The following USP22 variants were observed in gnomAD, a reference collection of about 807,000 sequenced individuals.
The protein encoded by USP22 is ubiquitin specific peptidase 22, also known as ubiquitin carboxyl-terminal hydrolase 22.
In USP22, 22 loss-of-function variants were observed where a neutral mutation model predicts 68.1. The ratio of observed to expected loss-of-function variants is 0.32; its 90% CI spans 0.23 to 0.46. USP22 has a LOEUF of 0.46. Among genes scored for constraint, USP22 ranks in the 20% least tolerant of loss-of-function variants. USP22 has a pLI of 1.00. For missense variants in USP22, 433 were observed against 695.8 expected, an observed-to-expected ratio of 0.62 and a Z score of 4.25; for synonymous variants, 279 against 274.2, an observed-to-expected ratio of 1.02 and a Z score of -0.17.
chr17:21,009,362 C>T (rs748760884), intron 8 of USP22, among the ~76,000 whole-genome samples: 56 of 152,254 alleles, frequency 3.7e-4, no homozygotes, highest in Non-Finnish European at 6.6e-4. Flanking sequence ...TAGGGCAAGA[C>T]GAGGGGGCCT....
intron 1 of USP22, among the ~76,000 whole-genome samples, chr17:21,040,603 CAAAAA>C (rs1328414565): frequency 7.1e-6 from 1 of 140,832 alleles, no homozygotes; most frequent in East Asian, 2.0e-4. Flanking sequence ...ATAAGTAGCG[CAAAAA>C]AAAAAAGTAA....
chr17:21,029,464 C>T (rs1022623167), intron 1 of USP22, among the ~76,000 whole-genome samples: 1 of 152,182 alleles, frequency 6.6e-6, no homozygotes, highest in East Asian at 1.9e-4. Context: ...AAGTCTTCTT[C>T]GCAGGAGAAT....
intron 10 of USP22, among the ~76,000 whole-genome samples, chr17:21,006,200 A>AT (rs1457825092): frequency 1.3e-5 from 2 of 152,216 alleles, no homozygotes; most frequent in African/African-American, 4.8e-5. Flanking sequence ...TGTCTCATGC[A>AT]TTAGTAAGCA....
chr17:21,027,907 G>A (rs1972242241), intron 2 of USP22, among the ~76,000 whole-genome samples: 1 of 152,188 alleles, frequency 6.6e-6, no homozygotes, highest in Non-Finnish European at 1.5e-5. Context: ...AGCAGAGGTT[G>A]CAGTGAGCCA....
At chr17:21,015,585 T>C (rs938683892) in intron 6 of USP22, 167 bp downstream of exon 6, 12 of 972,180 alleles carry the variant, frequency 1.2e-5, no homozygotes, top group Non-Finnish European at 1.7e-5. Context: ...TCTGAGGTCA[T>C]TAGTTATGGT....
intron 5 of USP22, among the ~76,000 whole-genome samples, chr17:21,017,561 G>A (rs1247111256): frequency 3.9e-5 from 6 of 152,228 alleles, no homozygotes; most frequent in South Asian, 2.1e-4. Flanking sequence ...CCTGGCGGTG[G>A]AGGAGACTCG....
intron 1 of USP22, among the ~76,000 whole-genome samples, chr17:21,029,444 TACAAAC>T (rs1392976457): frequency 6.6e-6 from 1 of 152,236 alleles, no homozygotes; most frequent in African/African-American, 2.4e-5. Context: ...ATTAATACTA[TACAAAC>T]ACAAAGTCTT....
intron 1 of USP22, among the ~76,000 whole-genome samples, chr17:21,041,336 G>A (rs1160553830): frequency 6.6e-6 from 1 of 152,104 alleles, no homozygotes; most frequent in East Asian, 1.9e-4. Context: ...GGTGGCTCAT[G>A]CCTGTAATCC....
intron 12 of USP22, 36 bp downstream of exon 12, chr17:21,004,166 C>G: frequency 6.2e-7 from 1 of 1,604,992 alleles, no homozygotes; most frequent in Non-Finnish European, 8.5e-7. Flanking sequence ...GCACCGTAGC[C>G]ACCGTAGGGC....
rs533667941 is a variant in USP22, at chr17:21,021,005, C to G, written c.418+108G>C. 4.6e-5 allele frequency: 39 copies of G among 850,542 alleles called. No individual in the cohort carries two copies. The East Asian group carries it at 1.0e-3, about 22-fold the overall frequency. 52.7% of individuals were successfully genotyped at this position (850,542 alleles called of 1,614,324 possible). A position where few individuals can be genotyped will look rare whatever the true frequency, so the allele number is the denominator to read the frequency against. ...GAAGGTGGGGACGGCCTCTTCCCAC[C>G]AGCCTGCCACTTCCCACCTAGGTAC... On this transcript the variant is annotated intron_variant, in intron 3 of 12. Transcript: ENST00000261497.
intron 1 of USP22, among the ~76,000 whole-genome samples, chr17:21,041,961 G>A (rs1037626325): frequency 6.6e-6 from 1 of 151,606 alleles, no homozygotes; most frequent in Admixed American, 6.6e-5. Flanking sequence ...GGCTCGCCCC[G>A]GCCCCAGCCC....
chr17:21,016,599 G>C (rs7222265), intron 5 of USP22, among the ~76,000 whole-genome samples: 2,625 of 152,238 alleles, frequency 0.017, 61 homozygotes, highest in African/African-American at 0.058. Flanking sequence ...CTCAGACATC[G>C]AAAGCACACA....
At chr17:21,011,660 G>C (rs1302820734) in intron 7 of USP22, 1 of 262,334 alleles carries the variant, frequency 3.8e-6, no homozygotes, top group Admixed American at 5.1e-5. Flanking sequence ...GCTGCATCTA[G>C]AACTTGGGGC....
At chr17:21,004,471 C>T in intron 11 of USP22, 120 bp from the exon 12 acceptor site, 1 of 1,273,772 alleles carries the variant, frequency 7.9e-7, no homozygotes, top group Non-Finnish European at 1.1e-6. Flanking sequence ...CCTGTCAACC[C>T]CCAGGGCCTC....
intron 1 of USP22, among the ~76,000 whole-genome samples, chr17:21,032,386 T>TA (rs1972301327): frequency 6.6e-6 from 1 of 152,212 alleles, no homozygotes. Context: ...CCATTGATAA[T>TA]ACTGTATCAG....
chr17:21,034,659 C>T (rs1172881862), intron 1 of USP22, among the ~76,000 whole-genome samples: 3 of 152,142 alleles, frequency 2.0e-5, no homozygotes, highest in Admixed American at 6.5e-5. Context: ...TGGTAGCTGT[C>T]TTGCTGATCA....
rs142163768 is a variant in USP22, at chr17:21,035,891, C to T, written c.171+6774G>A. Among the ~76,000 whole-genome samples, 1,305 of 151,776 alleles carry T rather than the reference C, an allele frequency of 8.6e-3. 25 individuals are homozygous for T. Among genetic ancestry groups the T allele is most frequent in the African/African-American group, 0.029 (1,206 of 41,360 alleles). ...TAAAAATACAAAAAAATTAGCTGGG[C>T]GTGGTGGCAGGCGCCTGTAGTCCCA... On this transcript the variant is annotated intron_variant, in intron 1 of 12. Coordinates refer to ENST00000261497, the MANE Select transcript of USP22 (RefSeq NM_015276.2).
At chr17:21,004,546 G>C (rs1219331499) in intron 11 of USP22, among the ~76,000 whole-genome samples, 195 bp from the exon 12 acceptor site, 1 of 152,168 alleles carries the variant, frequency 6.6e-6, no homozygotes, top group African/African-American at 2.4e-5. Context: ...CTCTAGCCCG[G>C]GTCCAGGCGC....
intron 6 of USP22, among the ~76,000 whole-genome samples, chr17:21,014,356 C>A (rs544403550): frequency 6.6e-6 from 1 of 152,212 alleles, no homozygotes; most frequent in African/African-American, 2.4e-5. Flanking sequence ...GAAGGCTCTT[C>A]GTTATTCTCA....
Sources: allele counts gnomAD v4.1 joint callset (sites outside exome capture counted in the v4.1 genomes callset), GRCh38; gene constraint gnomAD v4.1.1; transcripts MANE v1.5; gene names NCBI Gene and HGNC (gene_info 2026-07-23, HGNC 2026-07-21).